Variants in SATB2 observed in about 807,000 individuals in gnomAD.
SATB2 encodes the protein DNA-binding protein SATB2.
Under a neutral mutation model 73.4 loss-of-function variants are expected in SATB2, and 1 was observed. That is an observed-to-expected ratio of 0.01 (90% CI 0.00 to 0.06). The LOEUF (loss-of-function observed/expected upper bound fraction) is 0.06. Among genes scored for constraint, SATB2 ranks in the 10% least tolerant of loss-of-function variants. SATB2 has a pLI of 1.00. For missense variants in SATB2, 459 were observed against 945.8 expected (o/e 0.49, Z 6.75); for synonymous variants, 397 against 367.0 (o/e 1.08, Z -0.93).
chr2:199,304,806 A>G (rs537849348), intron 10 of SATB2, among the ~76,000 whole-genome samples: 33 of 152,288 alleles, frequency 2.2e-4, no homozygotes, highest in African/African-American at 5.5e-4. Context: ...ATAATTCAAT[A>G]TGACATCAAA....
At chr2:199,407,288 CAAAAAAAA>C (rs34954916) in intron 3 of SATB2, among the ~76,000 whole-genome samples, 4 of 77,538 alleles carry the variant, frequency 5.2e-5, no homozygotes, top group African/African-American at 1.3e-4. Flanking sequence ...TCTTGTCTCC[CAAAAAAAA>C]AAAAAAAAAA....
chr2:199,381,861 T>C, intron 3 of SATB2, 41 bp from the exon 4 acceptor site: 1 of 1,609,358 alleles, frequency 6.2e-7, no homozygotes, highest in African/African-American at 1.3e-5. Flanking sequence ...ATATCTGCTA[T>C]TTATTAAACC....
chr2:199,326,089 G>A (rs1448094691), intron 8 of SATB2: 1 of 152,042 alleles, frequency 6.6e-6, no homozygotes, highest in Non-Finnish European at 1.5e-5. Flanking sequence ...CAACTAAAAG[G>A]CTGAGTCAGT....
At chr2:199,290,943 T>C (rs1692838721) in intron 10 of SATB2, among the ~76,000 whole-genome samples, 1 of 152,096 alleles carries the variant, frequency 6.6e-6, no homozygotes, top group Non-Finnish European at 1.5e-5. Flanking sequence ...TTAAAAACAA[T>C]GCAGAATTTA....
intron 5 of SATB2, among the ~76,000 whole-genome samples, chr2:199,378,587 GA>G (rs1559015425): frequency 6.6e-6 from 1 of 152,032 alleles, no homozygotes; most frequent in Non-Finnish European, 1.5e-5. Flanking sequence ...GCCTATACGT[GA>G]ATGCATGCCT....
chr2:199,412,010 T>C (rs1690834466), intron 3 of SATB2, among the ~76,000 whole-genome samples: 1 of 152,096 alleles, frequency 6.6e-6, no homozygotes, highest in South Asian at 2.1e-4. Flanking sequence ...ATATGGGGCA[T>C]CTGACAAACT....
At chr2:199,420,752 A>G (rs1237317842) in intron 3 of SATB2, among the ~76,000 whole-genome samples, 2 of 152,134 alleles carry the variant, frequency 1.3e-5, no homozygotes, top group Non-Finnish European at 2.9e-5. Flanking sequence ...GTGCATTTTA[A>G]TATCTAGTGG....
intron 6 of SATB2, among the ~76,000 whole-genome samples, chr2:199,355,378 T>G (rs897231759): frequency 4.3e-5 from 5 of 115,258 alleles, no homozygotes; most frequent in Non-Finnish European, 3.5e-5. Flanking sequence ...ATATATATAG[T>G]CTTTCACTCC....
intron 3 of SATB2, among the ~76,000 whole-genome samples, chr2:199,398,671 T>G (rs75264293): frequency 1.3e-5 from 2 of 152,296 alleles, no homozygotes; most frequent in Non-Finnish European, 2.9e-5. Flanking sequence ...TTAGGTAATA[T>G]GAATTTGGGT....
chr2:199,466,955 G>C (rs774130566), upstream of SATB2, among the ~76,000 whole-genome samples: 1 of 152,260 alleles, frequency 6.6e-6, no homozygotes, highest in Non-Finnish European at 1.5e-5. Context: ...TATGCGCCGT[G>C]AACTCTTTGG....
intron 6 of SATB2, among the ~76,000 whole-genome samples, chr2:199,349,443 G>C (rs1253507954): frequency 2.0e-5 from 3 of 152,044 alleles, no homozygotes; most frequent in Non-Finnish European, 4.4e-5. Context: ...AAATAGCCAA[G>C]ACAGAAACCA....
intron 7 of SATB2, chr2:199,347,617 G>GA (rs1171783430): frequency 2.0e-5 from 3 of 152,110 alleles, no homozygotes; most frequent in African/African-American, 7.2e-5. Flanking sequence ...CGAGGGTGCT[G>GA]AAATTTTAAT....
chr2:199,311,587 C>T (rs1040708322), intron 9 of SATB2, among the ~76,000 whole-genome samples: 3 of 149,774 alleles, frequency 2.0e-5, no homozygotes, highest in Admixed American at 1.3e-4. Context: ...TCCTAAAGGC[C>T]GTTATTCCCT....
intron 7 of SATB2, among the ~76,000 whole-genome samples, chr2:199,341,706 T>C (rs1688510808): frequency 6.6e-6 from 1 of 152,204 alleles, no homozygotes; most frequent in African/African-American, 2.4e-5. Flanking sequence ...GGCTTTTGAC[T>C]TGCAGAGAAA....
chr2:199,330,886 C>T (rs969029690), intron 7 of SATB2, among the ~76,000 whole-genome samples: 1 of 152,042 alleles, frequency 6.6e-6, no homozygotes, highest in African/African-American at 2.4e-5. Flanking sequence ...TTTCCTCTCC[C>T]TCCTTCCTCT....
rs1692958231 is a variant in SATB2, at chr2:199,294,229, T to C, written c.1740+14531A>G. ...TACATGTTCATATGGTATAAAGTAC[T>C]ACTCTGCTTCATATATACAAATATA... On this transcript the variant is annotated intron_variant, in intron 10 of 10. Transcript: ENST00000417098. 2.0e-5 allele frequency among the ~76,000 whole-genome samples: 3 copies of C among 152,210 alleles called. No homozygotes were observed. In the South Asian group the frequency reaches 6.2e-4, roughly 31 times the overall value.
intron 8 of SATB2, 145 bp downstream of exon 8, chr2:199,328,553 A>T: frequency 1.7e-6 from 1 of 602,466 alleles, no homozygotes. Context: ...AAAAATTAAA[A>T]TAAAATAAAA....
At chr2:199,277,387 T>G (rs1245717361) in intron 10 of SATB2, among the ~76,000 whole-genome samples, 1 of 152,218 alleles carries the variant, frequency 6.6e-6, no homozygotes, top group African/African-American at 2.4e-5. Context: ...TGACCTTTAT[T>G]TATCCCTAAG....
intron 10 of SATB2, among the ~76,000 whole-genome samples, chr2:199,305,122 A>G (rs1687392798): frequency 6.6e-6 from 1 of 152,178 alleles, no homozygotes; most frequent in South Asian, 2.1e-4. Context: ...TGGTCAGGTG[A>G]CCTGACAGGA....
Sources: allele counts gnomAD v4.1 joint callset (sites outside exome capture counted in the v4.1 genomes callset), GRCh38; gene constraint gnomAD v4.1.1; transcripts MANE v1.5; gene names NCBI Gene and HGNC (gene_info 2026-07-23, HGNC 2026-07-21).